Variants in MYDGF observed in about 807,000 individuals in gnomAD.
The protein encoded by MYDGF is myeloid derived growth factor.
A neutral mutation model predicts 24.2 loss-of-function variants in MYDGF; 29 were observed. That is an observed-to-expected ratio of 1.20 (90% CI 0.89 to 1.63). The LOEUF is 1.63. Among genes scored for constraint, MYDGF ranks in the 40% most tolerant of loss-of-function variants. The pLI, the probability that MYDGF is intolerant of heterozygous loss-of-function variation, is 0.00. For synonymous variants in MYDGF, 105 were observed against 102.5 expected (o/e 1.02, Z -0.15); for missense variants, 245 against 234.8 (o/e 1.04, Z -0.29).
chr19:4,668,759 G>T, intron 1 of MYDGF, 114 bp from the exon 2 acceptor site: 1 of 826,796 alleles, frequency 1.2e-6, no homozygotes, highest in Non-Finnish European at 2.0e-6. Flanking sequence ...ACAGCTCACT[G>T]CAGCCTCGAA....
Position 4,657,847 on chromosome 19 carries a change from G to T in MYDGF, c.*158C>A. 1.6e-6 allele frequency: 1 copy of T among 632,598 alleles called. No individual in the cohort carries two copies. Among genetic ancestry groups the T allele is most frequent in the Non-Finnish European group, 2.6e-6 (1 of 378,722 alleles). The allele number at this position is 632,598 out of a possible 1,614,324, so 39.2% of individuals were successfully genotyped here. ...CTCTGTTCTCTGCCCCAGGGCTTCA[G>T]CCACCCTGCAAGCCCCTCCGGACAA... On this transcript the variant is annotated 3_prime_UTR_variant, in exon 6 of 6. Transcript: ENST00000262947.
Position 4,660,762 on chromosome 19 carries a change from G to A in MYDGF, c.288-12C>T, listed in dbSNP as rs1414309148. The A allele has an allele frequency of 6.2e-7, 1 of 1,611,516 alleles. No homozygotes were observed. The highest frequency in any genetic ancestry group is 1.3e-5 in the African/African-American group (1 of 74,960). ...ACTTCCCCTGGGGCCTGCAGAGGAAGAGGGGGCGAGGGAGTCAGGCCAGGC... is the reference window on the plus strand; with the variant it reads ...ACTTCCCCTGGGGCCTGCAGAGGAAAAGGGGGCGAGGGAGTCAGGCCAGGC... On this transcript the variant is annotated splice_polypyrimidine_tract_variant and intron_variant, in intron 3 of 5. Coordinates refer to ENST00000262947, the MANE Select transcript of MYDGF (RefSeq NM_019107.4).
intron 2 of MYDGF, among the ~76,000 whole-genome samples, chr19:4,667,121 CTTTTTTTTTT>C (rs57093750): frequency 2.0e-5 from 2 of 102,170 alleles, no homozygotes; most frequent in African/African-American, 4.5e-5. Context: ...TCAAATCACC[CTTTTTTTTTT>C]TTTTTTTTTT....
chr19:4,665,820 CAAAAAAAAAAAAAAA>C lies in MYDGF; in HGVS notation c.226-898_226-884del, dbSNP rs533879529. Among the ~76,000 whole-genome samples, 254 of 45,474 alleles carry C rather than the reference CAAAAAAAAAAAAAAA, an allele frequency of 5.6e-3. 5 individuals carry two copies. The highest frequency in any genetic ancestry group is 0.011 in the African/African-American group (231 of 21,358). 29.8% of individuals were successfully genotyped at this position (45,474 alleles called of 152,430 possible). ...TGGGCGACAGAGCGAGACTCTGTCT[CAAAAAAAAAAAAAAA>C]AAAAAAAAAAAAAAAAGATGTCCCA... is the stretch of plus-strand genomic sequence containing the variant. On this transcript the variant is annotated intron_variant, in intron 2 of 5. Coordinates refer to ENST00000262947, the MANE Select transcript of MYDGF (RefSeq NM_019107.4).
intron 3 of MYDGF, 40 bp from the exon 4 acceptor site, chr19:4,660,790 G>T (rs1211355264): frequency 1.9e-6 from 3 of 1,572,538 alleles, no homozygotes. Flanking sequence ...GGCCAGGCCT[G>T]CTGGGTCTGG....
intron 3 of MYDGF, among the ~76,000 whole-genome samples, chr19:4,664,175 G>GGAGAATGACTCTGATGGGAAC (rs1352214832): frequency 2.0e-4 from 30 of 152,184 alleles, no homozygotes; most frequent in Middle Eastern, 3.4e-3. Context: ...GTGCTGGGAA[G>GGAGAATGACTCTGATGGGAAC]GAGAATGACT....
In MYDGF at chr19:4,668,582, T is replaced by C. The variant is rs761172370; in HGVS notation, c.225+13A>G. The C allele has an allele frequency of 1.2e-6, 2 of 1,606,662 alleles. No individual in the cohort carries two copies. The highest frequency in any genetic ancestry group is 1.7e-6 in the Non-Finnish European group (2 of 1,173,430). ...CTGTCACAGTAAGCTAGAGGGAATTTTGAACAACTCACCTCATTGGTCCCT... is the reference window on the plus strand; with the variant it reads ...CTGTCACAGTAAGCTAGAGGGAATTCTGAACAACTCACCTCATTGGTCCCT... On this transcript the variant is annotated intron_variant, in intron 2 of 5. Transcript: ENST00000262947.
chr19:4,667,919 C>A (rs2088533558), intron 2 of MYDGF, among the ~76,000 whole-genome samples: 1 of 151,906 alleles, frequency 6.6e-6, no homozygotes, highest in African/African-American at 2.4e-5. Context: ...GCCTGTGATA[C>A]CTTTATTTAT....
chr19:4,667,054 G>A (rs537823007), intron 2 of MYDGF, among the ~76,000 whole-genome samples: 224 of 150,542 alleles, frequency 1.5e-3, no homozygotes, highest in Non-Finnish European at 2.5e-3. Context: ...GAGGCCGCGT[G>A]TATTCCCTGC....
intron 3 of MYDGF, among the ~76,000 whole-genome samples, chr19:4,661,988 T>C (rs1408327450): frequency 2.0e-5 from 3 of 152,270 alleles, no homozygotes; most frequent in African/African-American, 7.2e-5. Flanking sequence ...GACCGTGGGC[T>C]TCCCCAAGAC....
At chr19:4,666,875 G>A (rs1048200278) in intron 2 of MYDGF, among the ~76,000 whole-genome samples, 1 of 152,250 alleles carries the variant, frequency 6.6e-6, no homozygotes. Context: ...AGATCAGCCT[G>A]GCCAACATGG....
chr19:4,659,798 T>C, intron 5 of MYDGF, 133 bp downstream of exon 5: 3 of 777,312 alleles, frequency 3.9e-6, no homozygotes, highest in Non-Finnish European at 6.8e-6. Flanking sequence ...GTGGCCTTTA[T>C]AGAATCAGTT....
chr19:4,663,660 C>T (rs1341864528), intron 3 of MYDGF, among the ~76,000 whole-genome samples: 2 of 107,506 alleles, frequency 1.9e-5, no homozygotes, highest in African/African-American at 8.0e-5. Context: ...CCTCATTCTA[C>T]AGCCTCCAGT....
At chr19:4,659,856 C>G in intron 5 of MYDGF, 75 bp downstream of exon 5, 1 of 1,376,828 alleles carries the variant, frequency 7.3e-7, no homozygotes. Flanking sequence ...GCTGACCCCC[C>G]TCTCCAAACT....
rs2088434490 is a variant in MYDGF at position 4,657,846 on chromosome 19, A to T, written c.*159T>A. 8.0e-6 allele frequency: 5 copies of T among 625,448 alleles called. No homozygotes were observed. Among genetic ancestry groups the T allele is most frequent in the Non-Finnish European group, 1.3e-5 (5 of 372,692 alleles). The allele number at this position is 625,448 out of a possible 1,614,324, so 38.7% of individuals were successfully genotyped here. On this transcript the variant is annotated 3_prime_UTR_variant, in exon 6 of 6. Transcript: ENST00000262947. ...CCTCTGTTCTCTGCCCCAGGGCTTC[A>T]GCCACCCTGCAAGCCCCTCCGGACA...
intron 1 of MYDGF, 109 bp downstream of exon 1, chr19:4,670,052 T>C: frequency 8.1e-7 from 1 of 1,227,724 alleles, no homozygotes; most frequent in South Asian, 2.0e-5. Flanking sequence ...CCTTCTTCAG[T>C]ACCCACCTCC....
At chr19:4,662,428 C>CG (rs1051643305) in intron 3 of MYDGF, among the ~76,000 whole-genome samples, 1 of 152,324 alleles carries the variant, frequency 6.6e-6, no homozygotes, top group East Asian at 1.9e-4. Context: ...CCCTCCCCAC[C>CG]GGGGGGCCTG....
chr19:4,663,382 C>CGT, intron 3 of MYDGF, among the ~76,000 whole-genome samples: 1 of 145,558 alleles, frequency 6.9e-6, no homozygotes, highest in African/African-American at 2.6e-5. Context: ...TCCCCACCTA[C>CGT]CCCATCCTCA....
At chr19:4,667,538 C>T (rs2088531217) in intron 2 of MYDGF, among the ~76,000 whole-genome samples, 1 of 151,946 alleles carries the variant, frequency 6.6e-6, no homozygotes, top group African/African-American at 2.4e-5. Context: ...TCCCAAAGTG[C>T]TGGGATTATA....
Sources: gnomAD v4.1 joint callset for allele counts (sites outside exome capture counted in the v4.1 genomes callset) on GRCh38, gnomAD v4.1.1 for gene constraint, MANE v1.5 for transcripts, NCBI Gene and HGNC (gene_info 2026-07-23, HGNC 2026-07-21) for gene names.